AFDN: variants seen among roughly 807,000 people sequenced by gnomAD.
The protein encoded by AFDN is afadin, adherens junction formation factor, also known as afadin.
AFDN carries 68 observed loss-of-function variants against 216.6 expected under a neutral mutation model. The observed-to-expected ratio is 0.31, with a 90% CI of 0.26 to 0.38. The LOEUF is 0.38. Among genes scored for constraint, AFDN ranks in the 10% least tolerant of loss-of-function variants. AFDN has a pLI of 1.00. For synonymous variants in AFDN, 868 were observed against 853.7 expected (o/e 1.02, Z -0.29); for missense variants, 2,136 against 2,342.0 (o/e 0.91, Z 1.82).
Position 167,907,277 on chromosome 6 carries a change from G to A in AFDN, c.1757G>A (p.Arg586Lys). 1 of 1,613,540 alleles carries A rather than the reference G, an allele frequency of 6.2e-7. No individual in the cohort carries two copies. Among genetic ancestry groups the A allele is most frequent in the Non-Finnish European group, 8.5e-7 (1 of 1,179,548 alleles). ...IRVEQQPDYR[R>K]QESRTQDASG... ...GTAGAACAGCAGCCAGATTATCGCA[G>A]GCAAGAAAGCAGGTAGGAAACACAT... The change falls in exon 13 of 34, where the codon AGG becomes AAG. Residue 586 changes from arginine (R) to lysine (K), a missense_variant. By Grantham distance (26) the Arg-to-Lys change is conservative. This residue lies in a region of AFDN where 817 missense variants were observed against 965.7 expected (regional missense o/e 0.85). Coordinates refer to ENST00000683244, the MANE Select transcript of AFDN (RefSeq NM_001386888.1).
Position 167,962,686 on chromosome 6 carries a change from C to T in AFDN, c.4968+119C>T. ...TTAAGAAGCACGAGGCAGAGCAGGG[C>T]CTGGCTCCCCCAGCTTTGTGATTGG... On this transcript the variant is annotated intron_variant, in intron 31 of 33. Coordinates refer to ENST00000683244, the MANE Select transcript of AFDN (RefSeq NM_001386888.1). The surrounding 1 kb of genome is among the most constrained non-coding windows in gnomAD (Gnocchi z 5.2). 6.4e-7 allele frequency: 1 copy of T among 1,556,790 alleles called. No individual in the cohort carries two copies. Among genetic ancestry groups the T allele is most frequent in the Non-Finnish European group, 8.7e-7 (1 of 1,150,658 alleles).
intron 13 of AFDN, among the ~76,000 whole-genome samples, chr6:167,908,519 C>T (rs938368995): frequency 6.6e-6 from 1 of 152,084 alleles, no homozygotes; most frequent in African/African-American, 2.4e-5. Flanking sequence ...GTAAGGAATA[C>T]CTCTATGTAT....
intron 1 of AFDN, among the ~76,000 whole-genome samples, chr6:167,831,179 T>C (rs1477221637): frequency 6.6e-6 from 1 of 152,078 alleles, no homozygotes; most frequent in Non-Finnish European, 1.5e-5. Flanking sequence ...TGGCCTCAGG[T>C]GATCTGCCTG....
chr6:167,833,908 A>G (rs1583079012), intron 1 of AFDN, among the ~76,000 whole-genome samples: 2 of 152,302 alleles, frequency 1.3e-5, no homozygotes, highest in East Asian at 3.9e-4. Flanking sequence ...AAATATTGTT[A>G]TTATTATCCA....
intron 32 of AFDN, chr6:167,968,893 C>G (rs1216616030): frequency 2.0e-6 from 1 of 506,532 alleles, no homozygotes; most frequent in South Asian, 2.2e-5. Context: ...GGCGTCAGGT[C>G]AACATTTTAG....
chr6:167,897,269 A>C (rs915883010), intron 10 of AFDN, among the ~76,000 whole-genome samples: 13 of 152,228 alleles, frequency 8.5e-5, no homozygotes, highest in Non-Finnish European at 1.6e-4. Flanking sequence ...TCAGGATTAC[A>C]GGATATAACC....
intron 30 of AFDN, among the ~76,000 whole-genome samples, chr6:167,957,546 G>C (rs775535760): frequency 3.3e-5 from 5 of 152,190 alleles, no homozygotes; most frequent in Non-Finnish European, 5.9e-5. Flanking sequence ...ACCAAAGTCT[G>C]ACTTGCTGGA....
At chr6:167,953,865 T>A (rs1264316357) in intron 30 of AFDN, among the ~76,000 whole-genome samples, 1 of 152,196 alleles carries the variant, frequency 6.6e-6, no homozygotes, top group African/African-American at 2.4e-5. Context: ...GATGAAAAGA[T>A]GTCTTTTCCT....
At chr6:167,885,014 C>T (rs62427703) in intron 6 of AFDN, among the ~76,000 whole-genome samples, 92 of 151,754 alleles carry the variant, frequency 6.1e-4, no homozygotes, top group Admixed American at 9.8e-4. Context: ...CTTCACCTTG[C>T]AGTTTTATGG....
intron 1 of AFDN, among the ~76,000 whole-genome samples, chr6:167,854,762 T>C (rs997232096): frequency 1.3e-5 from 2 of 150,924 alleles, no homozygotes; most frequent in Admixed American, 1.3e-4. Context: ...TAAATAGAGA[T>C]TTTTATAGTT....
chr6:167,893,931 T>C lies in AFDN; in HGVS notation c.1222+25T>C, dbSNP rs1187140298. The C allele has an allele frequency of 1.3e-6, 2 of 1,530,234 alleles. 1 individual carries two copies. Among genetic ancestry groups the C allele is most frequent in the South Asian group, 2.4e-5 (2 of 84,478 alleles). The allele number at this position is 1,530,234 out of a possible 1,614,324, so 94.8% of individuals were successfully genotyped here. A position where few individuals can be genotyped will look rare whatever the true frequency, so the allele number is the denominator to read the frequency against. ...GGTAATGCTATGCTTACTACTACTT[T>C]TATAACTAAAGCACTAATAGAACCT... On this transcript the variant is annotated intron_variant, in intron 9 of 33. Coordinates refer to ENST00000683244, the MANE Select transcript of AFDN (RefSeq NM_001386888.1).
At chr6:167,932,132 C>T (rs1204819635) in intron 23 of AFDN, among the ~76,000 whole-genome samples, 2 of 152,126 alleles carry the variant, frequency 1.3e-5, no homozygotes, top group African/African-American at 4.8e-5. Context: ...AGACTTGTGT[C>T]GTTAAATTTT....
At chr6:167,847,787 A>T (rs1781863642) in intron 1 of AFDN, among the ~76,000 whole-genome samples, 1 of 152,168 alleles carries the variant, frequency 6.6e-6, no homozygotes, top group Admixed American at 6.6e-5. Flanking sequence ...TTGCCCCCTT[A>T]CAGTCTGTTT....
In AFDN at chr6:167,885,013, G is replaced by A. The variant is rs370043791; in HGVS notation, c.898-4202G>A. On this transcript the variant is annotated intron_variant, in intron 6 of 33. Coordinates refer to ENST00000683244, the MANE Select transcript of AFDN (RefSeq NM_001386888.1). ...GCTTCTCCATTAGCTGCTTCACCTT[G>A]CAGTTTTATGGAGATGGCTTCATTT... Among the ~76,000 whole-genome samples the A allele has an allele frequency of 3.9e-3, 596 of 151,898 alleles. 4 individuals are homozygous for A. The highest frequency in any genetic ancestry group is 0.014 in the African/African-American group (574 of 41,538).
chr6:167,851,435 C>G (rs1782294042), intron 1 of AFDN, among the ~76,000 whole-genome samples: 1 of 152,220 alleles, frequency 6.6e-6, no homozygotes, highest in South Asian at 2.1e-4. Flanking sequence ...CTTCCACCCT[C>G]CACCCTCCAG....
At chr6:167,886,591 A>AG (rs1786841194) in intron 6 of AFDN, among the ~76,000 whole-genome samples, 1 of 152,210 alleles carries the variant, frequency 6.6e-6, no homozygotes, top group Non-Finnish European at 1.5e-5. Context: ...CTATATAGCA[A>AG]GTATGATTGT....
intron 1 of AFDN, among the ~76,000 whole-genome samples, chr6:167,847,866 T>G (rs1039761151): frequency 6.6e-6 from 1 of 152,176 alleles, no homozygotes; most frequent in Non-Finnish European, 1.5e-5. Flanking sequence ...CTCCCCAATT[T>G]TTTTTTAATC....
intron 32 of AFDN, chr6:167,968,898 T>G: frequency 1.9e-6 from 1 of 515,214 alleles, no homozygotes. Flanking sequence ...CAGGTCAACA[T>G]TTTAGCACCT....
intron 9 of AFDN, among the ~76,000 whole-genome samples, chr6:167,896,279 GGGAGCTAACCAC>G (rs946835626): frequency 1.3e-4 from 19 of 151,304 alleles, no homozygotes; most frequent in African/African-American, 4.6e-4. Context: ...TTCTACTCCA[GGGAGCTAACCAC>G]TTTTAACAGT....
Sources: gnomAD v4.1 joint callset for allele counts (sites outside exome capture counted in the v4.1 genomes callset) on GRCh38, gnomAD v4.1.1 for gene constraint, gnomAD v4.1.1 regional missense constraint, Gnocchi (gnomAD v3.1) non-coding constraint, MANE v1.5 for transcripts, NCBI Gene and HGNC (gene_info 2026-07-23, HGNC 2026-07-21) for gene names.